Variants in DYNC1I1 observed in about 807,000 individuals in gnomAD.
DYNC1I1 encodes cytoplasmic dynein 1 intermediate chain 1.
In DYNC1I1, 43 loss-of-function variants were observed where a neutral mutation model predicts 86.6. The observed-to-expected ratio is 0.50, with a 90% CI of 0.39 to 0.64. The LOEUF (loss-of-function observed/expected upper bound fraction) is 0.64. Ranked by LOEUF, DYNC1I1 falls within the 30% of genes least tolerant of loss-of-function variation. The pLI is 0.00. For missense variants in DYNC1I1, 604 were observed against 788.8 expected (o/e 0.77, Z 2.81); for synonymous variants, 262 against 283.7 (o/e 0.92, Z 0.77).
At chr7:95,980,531 TC>T (rs1322757011) in intron 7 of DYNC1I1, among the ~76,000 whole-genome samples, 1 of 141,440 alleles carries the variant, frequency 7.1e-6, no homozygotes, top group African/African-American at 2.7e-5. Context: ...TTTTGAGAAA[TC>T]TGGCTTTTTT....
chr7:95,980,694 ACT>A (rs905137059), intron 7 of DYNC1I1, among the ~76,000 whole-genome samples: 1 of 151,894 alleles, frequency 6.6e-6, no homozygotes, highest in African/African-American at 2.4e-5. Context: ...TTGATTTATT[ACT>A]GTTTCACTTT....
At chr7:95,977,049 G>A (rs1002187961) in intron 6 of DYNC1I1, among the ~76,000 whole-genome samples, 2 of 152,218 alleles carry the variant, frequency 1.3e-5, no homozygotes, top group African/African-American at 2.4e-5. Flanking sequence ...TTGACCTGGG[G>A]TCAGACCTGT....
chr7:95,838,062 C>T (rs1789165275), intron 5 of DYNC1I1, among the ~76,000 whole-genome samples: 1 of 152,156 alleles, frequency 6.6e-6, no homozygotes, highest in Non-Finnish European at 1.5e-5. Flanking sequence ...CTACTTTTGC[C>T]TTTGTTGCCT....
intron 6 of DYNC1I1, among the ~76,000 whole-genome samples, chr7:95,887,445 A>G (rs1008741406): frequency 2.0e-5 from 3 of 151,878 alleles, no homozygotes; most frequent in Non-Finnish European, 2.9e-5. Context: ...TCATCTTGTA[A>G]AGTGTTTCTC....
intron 13 of DYNC1I1, among the ~76,000 whole-genome samples, chr7:96,038,423 C>T (rs938626617): frequency 6.6e-6 from 1 of 152,140 alleles, no homozygotes. Context: ...TAATAGAGGG[C>T]TGCAAATAAT....
intron 6 of DYNC1I1, among the ~76,000 whole-genome samples, chr7:95,970,099 T>C (rs1488522767): frequency 6.6e-6 from 1 of 152,142 alleles, no homozygotes; most frequent in East Asian, 1.9e-4. Context: ...CCCGGCGAAG[T>C]TGGCAAGCTG....
chr7:96,028,393 G>T, intron 11 of DYNC1I1, 72 bp downstream of exon 11: 1 of 1,534,846 alleles, frequency 6.5e-7, no homozygotes, highest in South Asian at 1.3e-5. Context: ...ACTCAAAAAA[G>T]TATGGATGTT....
intron 6 of DYNC1I1, among the ~76,000 whole-genome samples, chr7:95,874,117 C>T (rs1790242795): frequency 6.6e-6 from 1 of 152,194 alleles, no homozygotes; most frequent in East Asian, 1.9e-4. Flanking sequence ...GCCACTCACA[C>T]TATTCAATAG....
At chr7:95,962,796 A>G (rs1042932278) in intron 6 of DYNC1I1, among the ~76,000 whole-genome samples, 7 of 152,188 alleles carry the variant, frequency 4.6e-5, no homozygotes, top group Non-Finnish European at 8.8e-5. Context: ...TGGGGAAAAA[A>G]ATAGGTAGAT....
chr7:95,781,422 AAAATTCT>A, intron 1 of DYNC1I1, among the ~76,000 whole-genome samples: 1 of 152,328 alleles, frequency 6.6e-6, no homozygotes, highest in Non-Finnish European at 1.5e-5. Flanking sequence ...GTGAGTTCAA[AAAATTCT>A]AAGACAATAA....
chr7:95,889,963 C>A (rs111602693), intron 6 of DYNC1I1, among the ~76,000 whole-genome samples: 2 of 152,116 alleles, frequency 1.3e-5, no homozygotes, highest in East Asian at 3.9e-4. Context: ...GGCAAGGTTG[C>A]GGATAAAAGA....
intron 5 of DYNC1I1, among the ~76,000 whole-genome samples, chr7:95,829,203 T>C (rs796067437): frequency 3.3e-5 from 5 of 152,232 alleles, no homozygotes; most frequent in African/African-American, 1.2e-4. Context: ...TTTCAATGCC[T>C]ACTGTAGGTA....
intron 4 of DYNC1I1, among the ~76,000 whole-genome samples, chr7:95,819,172 T>C (rs1425263119): frequency 6.6e-6 from 1 of 152,154 alleles, no homozygotes; most frequent in African/African-American, 2.4e-5. Context: ...GAATTTCAGA[T>C]TAGAATTCAG....
At chr7:96,021,237 A>G (rs1171144054) in intron 10 of DYNC1I1, among the ~76,000 whole-genome samples, 1 of 152,292 alleles carries the variant, frequency 6.6e-6, no homozygotes, top group African/African-American at 2.4e-5. Context: ...AAATATGCAA[A>G]CAAACAACTT....
intron 10 of DYNC1I1, among the ~76,000 whole-genome samples, chr7:96,023,762 G>C (rs1794609974): frequency 6.6e-6 from 1 of 152,164 alleles, no homozygotes; most frequent in Non-Finnish European, 1.5e-5. Flanking sequence ...GAGGTGGTCT[G>C]TCTTTGCAGG....
intron 16 of DYNC1I1, among the ~76,000 whole-genome samples, chr7:96,092,252 A>T (rs946693043): frequency 3.3e-5 from 5 of 152,196 alleles, no homozygotes; most frequent in African/African-American, 1.2e-4. Flanking sequence ...GAAAGAAAAT[A>T]AAAAAATTGG....
intron 12 of DYNC1I1, among the ~76,000 whole-genome samples, chr7:96,034,756 C>T (rs755992442): frequency 6.6e-6 from 1 of 152,280 alleles, no homozygotes; most frequent in South Asian, 2.1e-4. Context: ...TGTTAGCTTG[C>T]ACTTTCAATT....
rs191919744 is a variant in DYNC1I1, at chr7:95,946,324, T to A, written c.491-31188T>A. On this transcript the variant is annotated intron_variant, in intron 6 of 16. Coordinates refer to ENST00000447467, the MANE Select transcript of DYNC1I1 (RefSeq NM_001135556.2). ...TTTAAAATAAAATTAAAAATATATA[T>A]GGAGAGAATGATATTTAAGACAAAA... Among the ~76,000 whole-genome samples, 1,199 of 152,168 alleles carry A rather than the reference T, an allele frequency of 7.9e-3. 6 individuals carry two copies. Among genetic ancestry groups the A allele is most frequent in the Non-Finnish European group, 0.013 (866 of 68,000 alleles).
At chr7:96,056,030 G>A (rs1394422164) in intron 14 of DYNC1I1, 1 of 140,364 alleles carries the variant, frequency 7.1e-6, no homozygotes, top group African/African-American at 2.8e-5. Flanking sequence ...TTAAACCAGA[G>A]TTCCTCTTTA....
Sources: allele counts gnomAD v4.1 joint callset (sites outside exome capture counted in the v4.1 genomes callset), GRCh38; gene constraint gnomAD v4.1.1; transcripts MANE v1.5; gene names NCBI Gene and HGNC (gene_info 2026-07-23, HGNC 2026-07-21).